CDKAL1: variants seen among roughly 807,000 people sequenced by gnomAD.
CDKAL1 encodes the protein threonylcarbamoyladenosine tRNA methylthiotransferase.
In CDKAL1, 32 loss-of-function variants were observed where a neutral mutation model predicts 68.2. The observed-to-expected ratio is 0.47, with a 90% CI of 0.35 to 0.63. The LOEUF (loss-of-function observed/expected upper bound fraction) is 0.63, where lower values mean the gene tolerates loss of function less well. Among genes scored for constraint, CDKAL1 ranks in the 30% least tolerant of loss-of-function variants. CDKAL1 has a pLI of 0.00. For missense variants in CDKAL1, 606 were observed against 696.7 expected (o/e 0.87, Z 1.47); for synonymous variants, 234 against 244.3 (o/e 0.96, Z 0.39).
rs1763436696 is a variant in CDKAL1 at position 20,931,191 on chromosome 6, A to C, written c.743-24228A>C. Among the ~76,000 whole-genome samples, 2 of 152,226 alleles carry C rather than the reference A, an allele frequency of 1.3e-5. 1 individual carries two copies. Among genetic ancestry groups the C allele is most frequent in the South Asian group, 4.1e-4 (2 of 4,832 alleles). ...AACTGCATCACTGTTTTATACTGAC[A>C]TATGGGATGTACATTTAATGATATA... On this transcript the variant is annotated intron_variant, in intron 9 of 15. Coordinates refer to ENST00000274695, the MANE Select transcript of CDKAL1 (RefSeq NM_017774.3).
chr6:20,922,235 C>G (rs894129395), intron 9 of CDKAL1, among the ~76,000 whole-genome samples: 1 of 152,230 alleles, frequency 6.6e-6, no homozygotes, highest in Non-Finnish European at 1.5e-5. Flanking sequence ...GTCTACTGCA[C>G]TTCCATAATG....
At chr6:20,970,551 G>A (rs1765541796) in intron 10 of CDKAL1, among the ~76,000 whole-genome samples, 1 of 152,166 alleles carries the variant, frequency 6.6e-6, no homozygotes, top group African/African-American at 2.4e-5. Flanking sequence ...CCATCAATAT[G>A]TGAAGTTGAA....
intron 13 of CDKAL1, among the ~76,000 whole-genome samples, chr6:21,146,837 C>G (rs989338397): frequency 7.9e-6 from 1 of 126,700 alleles, no homozygotes; most frequent in African/African-American, 3.1e-5. Flanking sequence ...GGCGACAGAG[C>G]GAGACTCCGT....
At chr6:20,732,182 A>G (rs1286281885) in intron 5 of CDKAL1, among the ~76,000 whole-genome samples, 1 of 150,528 alleles carries the variant, frequency 6.6e-6, no homozygotes, top group Admixed American at 6.6e-5. Flanking sequence ...AGTACCTGGG[A>G]CTACAGGTGT....
chr6:20,601,191 C>T (rs766489939), intron 4 of CDKAL1, among the ~76,000 whole-genome samples: 3 of 152,034 alleles, frequency 2.0e-5, no homozygotes, highest in Non-Finnish European at 2.9e-5. Context: ...GTCTCAATAC[C>T]TCTGAGAAAG....
chr6:21,208,968 A>G (rs1779044666), intron 15 of CDKAL1, among the ~76,000 whole-genome samples: 1 of 152,222 alleles, frequency 6.6e-6, no homozygotes, highest in East Asian at 1.9e-4. Context: ...TTTCACTTGC[A>G]TCACTAATTG....
At chr6:20,651,036 G>C (rs539497944) in intron 5 of CDKAL1, among the ~76,000 whole-genome samples, 1 of 151,944 alleles carries the variant, frequency 6.6e-6, no homozygotes, top group Admixed American at 6.6e-5. Flanking sequence ...TGGCTATATG[G>C]GCTCTTTTTT....
Position 21,222,990 on chromosome 6 carries a change from A to G in CDKAL1, c.1549-7858A>G, listed in dbSNP as rs563960151. 5.9e-5 allele frequency among the ~76,000 whole-genome samples: 9 copies of G among 152,292 alleles called. No individual in the cohort carries two copies. The South Asian group carries it at 1.7e-3, about 28-fold the overall frequency. ...CAGCGATGTGCCATCTACAGGTCAC[A>G]ATTACAAATTCGCAACGTGGCTCAG... On this transcript the variant is annotated intron_variant, in intron 15 of 15. Transcript: ENST00000274695.
chr6:20,552,307 A>AC (rs1001309413), intron 4 of CDKAL1, among the ~76,000 whole-genome samples: 18 of 152,074 alleles, frequency 1.2e-4, no homozygotes, highest in Non-Finnish European at 2.5e-4. Context: ...TGTTCTGTGC[A>AC]CAGCACTTCA....
intron 8 of CDKAL1, among the ~76,000 whole-genome samples, chr6:20,799,040 GTTTTTTTTTTTTTTTT>G (rs754008816): frequency 2.1e-5 from 1 of 47,482 alleles, no homozygotes; most frequent in Non-Finnish European, 3.6e-5. Context: ...AAAGAACTGA[GTTTTTTTTTTTTTTTT>G]TTTTTTTTTT....
At chr6:21,156,328 G>A (rs1352700814) in intron 13 of CDKAL1, among the ~76,000 whole-genome samples, 1 of 151,330 alleles carries the variant, frequency 6.6e-6, no homozygotes, top group African/African-American at 2.4e-5. Flanking sequence ...CAGGGCTGAG[G>A]TGGGAGGATA....
At chr6:20,537,957 G>C (rs1168930086) in intron 2 of CDKAL1, among the ~76,000 whole-genome samples, 1 of 152,202 alleles carries the variant, frequency 6.6e-6, no homozygotes, top group African/African-American at 2.4e-5. Context: ...AGATTATTTA[G>C]GTACTTATGA....
chr6:20,756,312 T>A (rs1488279386), intron 6 of CDKAL1: 1 of 152,252 alleles, frequency 6.6e-6, no homozygotes, highest in Non-Finnish European at 1.5e-5. Context: ...TCTCCCCAGC[T>A]TTTTACTGAG....
At chr6:20,788,417 C>A (rs1775763056) in intron 8 of CDKAL1, among the ~76,000 whole-genome samples, 1 of 152,150 alleles carries the variant, frequency 6.6e-6, no homozygotes, top group South Asian at 2.1e-4. Context: ...TATTCATGTT[C>A]TTCTGTAAGC....
At chr6:21,167,971 A>G (rs1177188836) in intron 13 of CDKAL1, among the ~76,000 whole-genome samples, 1 of 152,194 alleles carries the variant, frequency 6.6e-6, no homozygotes, top group Non-Finnish European at 1.5e-5. Context: ...ACTAAATTAT[A>G]AACAGCTTTG....
chr6:20,617,143 G>A (rs2078736139), intron 4 of CDKAL1, among the ~76,000 whole-genome samples: 1 of 152,006 alleles, frequency 6.6e-6, no homozygotes, highest in Non-Finnish European at 1.5e-5. Flanking sequence ...TGCTGAAGGT[G>A]GTATCATATT....
At chr6:20,636,598 A>C (rs1168277588) in intron 4 of CDKAL1, among the ~76,000 whole-genome samples, 3 of 152,160 alleles carry the variant, frequency 2.0e-5, no homozygotes, top group African/African-American at 7.2e-5. Context: ...AAACCATGGG[A>C]GGGATGGATG....
At chr6:20,706,608 T>C (rs1265983935) in intron 5 of CDKAL1, among the ~76,000 whole-genome samples, 2 of 152,256 alleles carry the variant, frequency 1.3e-5, no homozygotes, top group African/African-American at 4.8e-5. Context: ...TGGAATACCA[T>C]CAAATATATA....
chr6:20,701,259 G>GTTTT (rs11305935), intron 5 of CDKAL1, among the ~76,000 whole-genome samples: 33 of 118,584 alleles, frequency 2.8e-4, no homozygotes, highest in African/African-American at 1.0e-3. Flanking sequence ...ACATGAAGTT[G>GTTTT]TTTTTTTTTT....
Sources: allele counts gnomAD v4.1 joint callset (sites outside exome capture counted in the v4.1 genomes callset), GRCh38; gene constraint gnomAD v4.1.1; transcripts MANE v1.5; gene names NCBI Gene and HGNC (gene_info 2026-07-23, HGNC 2026-07-21).